Variants in CCSER1 observed in about 807,000 individuals in gnomAD.
CCSER1 encodes the protein coiled-coil serine rich protein 1.
In CCSER1, 41 loss-of-function variants were observed where a neutral mutation model predicts 82.0. The observed-to-expected ratio is 0.50, with a 90% confidence interval of 0.39 to 0.65. CCSER1 has a LOEUF of 0.65. CCSER1 is among the 30% of genes least tolerant of loss of function. The pLI is 0.00. For missense variants in CCSER1, 1,119 were observed against 1,064.2 expected, an observed-to-expected ratio of 1.05 and a Z score of -0.72; for synonymous variants, 414 against 383.9, an observed-to-expected ratio of 1.08 and a Z score of -0.92.
At chr4:90,832,138 T>G (rs1381961756) in intron 8 of CCSER1, among the ~76,000 whole-genome samples, 1 of 152,152 alleles carries the variant, frequency 6.6e-6, no homozygotes, top group East Asian at 1.9e-4. Flanking sequence ...TAATGTTATC[T>G]TTTATCATTT....
At chr4:91,549,263 G>A (rs534154108) in intron 10 of CCSER1, among the ~76,000 whole-genome samples, 1 of 152,018 alleles carries the variant, frequency 6.6e-6, no homozygotes, top group African/African-American at 2.4e-5. Flanking sequence ...GTGCTTGCAT[G>A]TTGTCTACTT....
intron 10 of CCSER1, among the ~76,000 whole-genome samples, chr4:91,555,241 A>G (rs1270823853): frequency 6.6e-6 from 1 of 151,078 alleles, no homozygotes; most frequent in Admixed American, 6.6e-5. Context: ...GACTCACACT[A>G]CCAAATTCAG....
chr4:90,642,455 T>C (rs1026851919), intron 6 of CCSER1: 13 of 152,226 alleles, frequency 8.5e-5, no homozygotes, highest in South Asian at 2.1e-4. Context: ...CTTGATAAAA[T>C]TGAAAACTTG....
intron 5 of CCSER1, among the ~76,000 whole-genome samples, chr4:90,471,694 G>T (rs1332876015): frequency 6.6e-6 from 1 of 151,684 alleles, no homozygotes; most frequent in African/African-American, 2.4e-5. Context: ...TACTAGATAG[G>T]GCTGGACGTG....
intron 5 of CCSER1, among the ~76,000 whole-genome samples, chr4:90,531,178 C>G (rs768211406): frequency 1.8e-4 from 28 of 151,454 alleles, no homozygotes; most frequent in Non-Finnish European, 3.5e-4. Context: ...TTTTAACCCC[C>G]CAAGGAGCCA....
intron 5 of CCSER1, among the ~76,000 whole-genome samples, chr4:90,514,402 T>C (rs887655674): frequency 3.3e-5 from 5 of 152,328 alleles, no homozygotes; most frequent in Non-Finnish European, 5.9e-5. Context: ...TAAAATGATA[T>C]AGTTCATAGG....
chr4:90,567,377 G>A (rs577707367), intron 5 of CCSER1, among the ~76,000 whole-genome samples: 1 of 149,618 alleles, frequency 6.7e-6, no homozygotes, highest in Admixed American at 6.7e-5. Flanking sequence ...TGCAACCTCC[G>A]CCTTCCAGGT....
At chr4:91,372,771 G>A (rs545701647) in intron 10 of CCSER1, among the ~76,000 whole-genome samples, 3 of 151,820 alleles carry the variant, frequency 2.0e-5, no homozygotes, top group Admixed American at 6.6e-5. Flanking sequence ...TCTGTGTAGC[G>A]GGTGCACATG....
At chr4:90,154,354 C>T (rs1032963301) in intron 1 of CCSER1, among the ~76,000 whole-genome samples, 18 of 152,100 alleles carry the variant, frequency 1.2e-4, no homozygotes, top group African/African-American at 2.7e-4. Flanking sequence ...ATTGACGTGG[C>T]GATGCGGGCT....
intron 10 of CCSER1, among the ~76,000 whole-genome samples, chr4:91,523,984 GAAC>G (rs1463870234): frequency 1.1e-4 from 16 of 152,244 alleles, no homozygotes; most frequent in Admixed American, 5.2e-4. Flanking sequence ...CTGCCATATT[GAAC>G]AACAACAAAT....
intron 1 of CCSER1, among the ~76,000 whole-genome samples, chr4:90,228,954 A>G (rs1743842450): frequency 6.6e-6 from 1 of 152,230 alleles, no homozygotes. Flanking sequence ...AAAGCCTCCA[A>G]GAAATATGGG....
intron 1 of CCSER1, among the ~76,000 whole-genome samples, chr4:90,264,911 A>G (rs1386146605): frequency 1.3e-5 from 2 of 152,058 alleles, no homozygotes; most frequent in African/African-American, 2.4e-5. Flanking sequence ...TCCAGATTAC[A>G]TTGTCCCACT....
intron 9 of CCSER1, among the ~76,000 whole-genome samples, chr4:90,997,684 G>A (rs575783162): frequency 1.3e-5 from 2 of 152,258 alleles, no homozygotes; most frequent in South Asian, 4.2e-4. Flanking sequence ...TATGGAGAAT[G>A]TACATATAAG....
intron 9 of CCSER1, among the ~76,000 whole-genome samples, chr4:91,003,125 T>C (rs1295420703): frequency 6.6e-6 from 1 of 152,196 alleles, no homozygotes. Flanking sequence ...TAGCCATGGA[T>C]AGCAACACCT....
At chr4:90,653,330 ATG>A (rs1169743904) in intron 6 of CCSER1, among the ~76,000 whole-genome samples, 1 of 152,174 alleles carries the variant, frequency 6.6e-6, no homozygotes, top group Non-Finnish European at 1.5e-5. Flanking sequence ...CAGTGGTATC[ATG>A]TGTTACCTAA....
rs141195904 is a variant in CCSER1 at position 91,546,654 on chromosome 4, A to G, written c.2218-51918A>G. Among the ~76,000 whole-genome samples, 760 of 152,080 alleles carry G rather than the reference A, an allele frequency of 5.0e-3. 4 individuals are homozygous for G. Among genetic ancestry groups the G allele is most frequent in the Non-Finnish European group, 7.7e-3 (524 of 67,928 alleles). Reference sequence around the variant, plus strand: ...TTATTCTCAGCCTAGCTAGAGGGTTATTAATTTTATTGATTTTACATAAAA... The same window carrying G: ...TTATTCTCAGCCTAGCTAGAGGGTTGTTAATTTTATTGATTTTACATAAAA... On this transcript the variant is annotated intron_variant, in intron 10 of 10. Transcript: ENST00000509176.
chr4:90,305,774 T>C lies in CCSER1; in HGVS notation c.-41-2470T>C, dbSNP rs567001890. ...GCCTCTATGGAACACAGTATGGAGG[T>C]TCCTCAAAAACTAAAGACAGAACTA... On this transcript the variant is annotated intron_variant, in intron 1 of 10. Transcript: ENST00000509176. 9.2e-5 allele frequency among the ~76,000 whole-genome samples: 14 copies of C among 152,006 alleles called. No individual in the cohort carries two copies. In the South Asian group the frequency reaches 2.7e-3, roughly 29 times the overall value.
chr4:90,455,151 G>T (rs1400856048), intron 4 of CCSER1, among the ~76,000 whole-genome samples: 1 of 152,218 alleles, frequency 6.6e-6, no homozygotes, highest in African/African-American at 2.4e-5. Context: ...AAGAAAGTCT[G>T]CACATGTGGG....
At chr4:91,163,049 G>A (rs892335041) in intron 10 of CCSER1, among the ~76,000 whole-genome samples, 1 of 152,082 alleles carries the variant, frequency 6.6e-6, no homozygotes, top group Non-Finnish European at 1.5e-5. Flanking sequence ...CATATTCCCT[G>A]CTTTCTCTTG....
Sources: gnomAD v4.1 joint callset for allele counts (sites outside exome capture counted in the v4.1 genomes callset) on GRCh38, gnomAD v4.1.1 for gene constraint, MANE v1.5 for transcripts, NCBI Gene and HGNC (gene_info 2026-07-23, HGNC 2026-07-21) for gene names.